LPIN1: variants seen among roughly 807,000 people sequenced by gnomAD.
LPIN1 encodes phosphatidate phosphatase LPIN1.
Under a neutral mutation model 107.5 loss-of-function variants are expected in LPIN1, and 71 were observed. The ratio of observed to expected loss-of-function variants is 0.66; its 90% confidence interval spans 0.55 to 0.80. The LOEUF (loss-of-function observed/expected upper bound fraction) is 0.80. Ranked by LOEUF, LPIN1 falls within the 30% of genes least tolerant of loss-of-function variation. The pLI, the probability that LPIN1 is intolerant of heterozygous loss-of-function variation, is 0.00. For synonymous variants in LPIN1, 445 were observed against 452.6 expected, an observed-to-expected ratio of 0.98 and a Z score of 0.21; for missense variants, 1,043 against 1,160.6, an observed-to-expected ratio of 0.90 and a Z score of 1.47.
At chr2:11,757,938 T>C (rs948858675) in intron 1 of LPIN1, among the ~76,000 whole-genome samples, 5 of 144,318 alleles carry the variant, frequency 3.5e-5, no homozygotes, top group Non-Finnish European at 8.0e-5. Flanking sequence ...ATTTTCCGCT[T>C]CTCCCTAGCC....
chr2:11,687,425 G>A (rs1188071187), intron 1 of LPIN1, among the ~76,000 whole-genome samples: 1 of 152,048 alleles, frequency 6.6e-6, no homozygotes, highest in African/African-American at 2.4e-5. Flanking sequence ...GTTGCTCTGC[G>A]GCTGGGCTCA....
chr2:11,788,298 G>A (rs1675024817), intron 11 of LPIN1, 89 bp from the exon 12 acceptor site: 6 of 1,002,752 alleles, frequency 6.0e-6, no homozygotes, highest in East Asian at 4.8e-5. Flanking sequence ...CTGGAGTCCC[G>A]AGCTTTCCTT....
At chr2:11,802,098 A>G (rs931822935) in intron 14 of LPIN1, among the ~76,000 whole-genome samples, 2 of 152,130 alleles carry the variant, frequency 1.3e-5, no homozygotes. Context: ...TAAGGCATTT[A>G]CTAAGTGATT....
chr2:11,782,626 A>G, intron 8 of LPIN1, 119 bp downstream of exon 8: 1 of 1,139,196 alleles, frequency 8.8e-7, no homozygotes, highest in Non-Finnish European at 1.3e-6. Context: ...CGTGACAATG[A>G]TCATGTTCAG....
chr2:11,686,143 G>A (rs11886653), intron 1 of LPIN1, among the ~76,000 whole-genome samples: 59,181 of 152,040 alleles, frequency 0.39, 12,080 homozygotes, highest in African/African-American at 0.51. Context: ...GCAAGCGCCT[G>A]GAACTTGCTG....
chr2:11,782,592 A>G (rs1673769256), intron 8 of LPIN1, 85 bp downstream of exon 8: 2 of 1,460,962 alleles, frequency 1.4e-6, no homozygotes, highest in Non-Finnish European at 1.9e-6. Context: ...CAAAGTTCCA[A>G]GGAAACTGAG....
chr2:11,743,004 C>A (rs768500610), upstream of LPIN1, among the ~76,000 whole-genome samples: 2 of 152,214 alleles, frequency 1.3e-5, no homozygotes, highest in African/African-American at 2.4e-5. The surrounding 1 kb of genome is among the most constrained non-coding windows in gnomAD (Gnocchi z 4.7). Flanking sequence ...TCAGGTGAAT[C>A]CTCTTGCTTG....
At chr2:11,809,039 C>T (rs1198259527) in intron 17 of LPIN1, among the ~76,000 whole-genome samples, 1 of 152,034 alleles carries the variant, frequency 6.6e-6, no homozygotes, top group Non-Finnish European at 1.5e-5. Flanking sequence ...TAATTGTCAC[C>T]TTGTTCATAG....
intron 1 of LPIN1, among the ~76,000 whole-genome samples, chr2:11,730,124 G>A (rs2148544687): frequency 6.6e-6 from 1 of 151,286 alleles, no homozygotes; most frequent in Middle Eastern, 3.4e-3. Context: ...TGTTGACATC[G>A]ACCCACAGCT....
intron 20 of LPIN1, 34 bp from the exon 21 acceptor site, chr2:11,824,598 C>T: frequency 6.2e-7 from 1 of 1,613,370 alleles, no homozygotes. Flanking sequence ...GCTGGTATCG[C>T]TCAGTGCCAG....
intron 14 of LPIN1, among the ~76,000 whole-genome samples, chr2:11,801,365 C>T (rs974321083): frequency 5.3e-5 from 8 of 152,128 alleles, no homozygotes; most frequent in Non-Finnish European, 7.3e-5. Context: ...AAGTGTCCAT[C>T]AATGGATAAA....
intron 1 of LPIN1, among the ~76,000 whole-genome samples, chr2:11,732,141 G>C (rs1425631086): frequency 6.6e-6 from 1 of 152,174 alleles, no homozygotes; most frequent in Non-Finnish European, 1.5e-5. Context: ...TTTAAGTAAT[G>C]ATGAGTTTAT....
At chr2:11,741,766 G>A (rs192868269), upstream of LPIN1, among the ~76,000 whole-genome samples, 6 of 147,574 alleles carry the variant, frequency 4.1e-5, no homozygotes, top group East Asian at 1.9e-4. Flanking sequence ...AGCCGAGATC[G>A]TGCCACTGCA....
intron 1 of LPIN1, among the ~76,000 whole-genome samples, chr2:11,693,802 ATATATATATATATATATATATTTTT>A (rs1275089449): frequency 3.9e-5 from 1 of 25,494 alleles, no homozygotes; most frequent in African/African-American, 9.4e-5. Flanking sequence ...ATATATATAT[ATATATATATATATATATATATTTTT>A]TTTTTTTTTT....
rs1242141923 is a variant in LPIN1 at position 11,774,901 on chromosome 2, T to C, written c.722+1156T>C. On this transcript the variant is annotated intron_variant, in intron 5 of 20. Coordinates refer to ENST00000674199, the MANE Select transcript of LPIN1 (RefSeq NM_001349206.2). This position sits in a 1 kb window ranked among gnomAD's most constrained non-coding sequence, Gnocchi z 4.4. ...TGCGTCAGAGCCTAGCCCTGTTCAA[T>C]AGAAACGTAATAACTAGCTCCATAT... Among the ~76,000 whole-genome samples, 1 of 149,904 alleles carries C rather than the reference T, an allele frequency of 6.7e-6. No homozygotes were observed. Among genetic ancestry groups the C allele is most frequent in the Non-Finnish European group, 1.5e-5 (1 of 67,786 alleles).
In LPIN1 at chr2:11,821,426, A is replaced by T. The variant is rs1296219318; in HGVS notation, c.2621+912A>T. 5.3e-5 allele frequency among the ~76,000 whole-genome samples: 8 copies of T among 152,178 alleles called. 1 individual carries two copies. Among genetic ancestry groups the T allele is most frequent in the Non-Finnish European group, 1.2e-4 (8 of 68,036 alleles). The stretch of plus-strand genomic sequence containing the variant: ...CAGCTACTCAGGAGGCTGAGACAGG[A>T]GAATCACTTGAACTCGGGAGGCAGA... On this transcript the variant is annotated intron_variant, in intron 20 of 20. Transcript: ENST00000674199.
intron 6 of LPIN1, among the ~76,000 whole-genome samples, chr2:11,776,431 GA>G (rs979024542): frequency 1.2e-4 from 18 of 150,096 alleles, no homozygotes; most frequent in African/African-American, 4.5e-4. Flanking sequence ...TAGATGATCA[GA>G]TTTTTTTTTT....
chr2:11,794,725 C>T (rs942400220), intron 13 of LPIN1, among the ~76,000 whole-genome samples: 16 of 152,328 alleles, frequency 1.1e-4, no homozygotes, highest in South Asian at 4.1e-4. Context: ...TGCCCATCTC[C>T]GTCCTCCTTT....
chr2:11,693,813 T>C (rs1166953227), intron 1 of LPIN1, among the ~76,000 whole-genome samples: 1 of 36,796 alleles, frequency 2.7e-5, no homozygotes, highest in East Asian at 7.0e-4. Flanking sequence ...TATATATATA[T>C]ATATATATAT....
Sources: gnomAD v4.1 joint callset for allele counts (sites outside exome capture counted in the v4.1 genomes callset) on GRCh38, gnomAD v4.1.1 for gene constraint, Gnocchi (gnomAD v3.1) non-coding constraint, MANE v1.5 for transcripts, NCBI Gene and HGNC (gene_info 2026-07-23, HGNC 2026-07-21) for gene names.